PLAG1: variants seen among roughly 807,000 people sequenced by gnomAD.
PLAG1 encodes zinc finger protein PLAG1.
A neutral mutation model predicts 35.5 loss-of-function variants in PLAG1; 7 were observed. The ratio of observed to expected loss-of-function variants is 0.20; its 90% confidence interval spans 0.11 to 0.37. PLAG1 has a LOEUF of 0.37. Ranked by LOEUF, PLAG1 falls within the 10% of genes least tolerant of loss-of-function variation. The pLI, the probability that PLAG1 is intolerant of heterozygous loss-of-function variation, is 1.00. For synonymous variants in PLAG1, 229 were observed against 225.4 expected, an observed-to-expected ratio of 1.02 and a Z score of -0.14; for missense variants, 454 against 602.8, an observed-to-expected ratio of 0.75 and a Z score of 2.58.
In PLAG1 at chr8:56,203,832, T is replaced by C. The variant is rs1239799425; in HGVS notation, c.-322+7289A>G. 2.6e-5 allele frequency among the ~76,000 whole-genome samples: 4 copies of C among 152,028 alleles called. No individual in the cohort carries two copies. The South Asian group carries it at 6.2e-4, about 24-fold the overall frequency. ...CTACCAACATTAGAAGAGAAAAATC[T>C]AGATTGAAATTTATACAATTAAATT... On this transcript the variant is annotated intron_variant, in intron 1 of 4. Coordinates refer to ENST00000316981, the MANE Select transcript of PLAG1 (RefSeq NM_002655.3).
intron 1 of PLAG1, among the ~76,000 whole-genome samples, chr8:56,183,670 C>A (rs1293326252): frequency 6.6e-6 from 1 of 152,088 alleles, no homozygotes; most frequent in African/African-American, 2.4e-5. Context: ...TCTTTATAAT[C>A]TTTACAATGT....
chr8:56,173,205 T>C (rs973769589), intron 2 of PLAG1, among the ~76,000 whole-genome samples: 11 of 152,148 alleles, frequency 7.2e-5, no homozygotes, highest in Admixed American at 5.2e-4. Context: ...CATATTCCAA[T>C]AGTCTAGAAA....
chr8:56,193,232 G>A (rs1484704325), intron 1 of PLAG1, among the ~76,000 whole-genome samples: 1 of 152,160 alleles, frequency 6.6e-6, no homozygotes, highest in Non-Finnish European at 1.5e-5. Flanking sequence ...AGAGGCAATG[G>A]GTATGGGTAG....
At chr8:56,203,951 T>G (rs1286991152) in intron 1 of PLAG1, among the ~76,000 whole-genome samples, 1 of 152,010 alleles carries the variant, frequency 6.6e-6, no homozygotes, top group East Asian at 1.9e-4. Context: ...AACAAATTCA[T>G]GTTTGAGGTG....
At chr8:56,197,267 C>T (rs1416515785) in intron 1 of PLAG1, among the ~76,000 whole-genome samples, 4 of 152,138 alleles carry the variant, frequency 2.6e-5, no homozygotes, top group East Asian at 1.9e-4. Context: ...CTCCCTCTGC[C>T]GTGGGAGTGA....
At chr8:56,180,226 T>C (rs1276783551) in intron 1 of PLAG1, among the ~76,000 whole-genome samples, 1 of 152,218 alleles carries the variant, frequency 6.6e-6, no homozygotes, top group African/African-American at 2.4e-5. Context: ...ACAAGTTCTA[T>C]GCAGAAAATC....
rs150428494 is a variant in PLAG1 at position 56,202,070 on chromosome 8, T to G, written c.-322+9051A>C. 5.1e-4 allele frequency among the ~76,000 whole-genome samples: 78 copies of G among 152,158 alleles called. No individual in the cohort carries two copies. In the East Asian group the frequency reaches 0.014, roughly 27 times the overall value. ...AAGGATCAGAACCTCTGCTTTCTTA[T>G]TTGATCAATTTCAAGCTAGATTTAA... On this transcript the variant is annotated intron_variant, in intron 1 of 4. Coordinates refer to ENST00000316981, the MANE Select transcript of PLAG1 (RefSeq NM_002655.3).
In PLAG1 at chr8:56,167,640, C is replaced by G; in HGVS notation, c.243-137G>C. 1 of 637,532 alleles carries G rather than the reference C, an allele frequency of 1.6e-6. No individual in the cohort carries two copies. Among genetic ancestry groups the G allele is most frequent in the Non-Finnish European group, 2.7e-6 (1 of 373,018 alleles). The allele number at this position is 637,532 out of a possible 1,614,324, so 39.5% of individuals were successfully genotyped here. On this transcript the variant is annotated intron_variant, in intron 4 of 4. Transcript: ENST00000316981. This position sits in a 1 kb window ranked among gnomAD's most constrained non-coding sequence, Gnocchi z 5.9. ...AAACTGTTTAACTTAATATATACCACGAGGATAGTTAATATACCTAATTAC... is the reference window on the plus strand; with the variant it reads ...AAACTGTTTAACTTAATATATACCAGGAGGATAGTTAATATACCTAATTAC...
rs146737481 is a variant in PLAG1 at position 56,182,396 on chromosome 8, T to C, written c.-321-2883A>G. On this transcript the variant is annotated intron_variant, in intron 1 of 4. Coordinates refer to ENST00000316981, the MANE Select transcript of PLAG1 (RefSeq NM_002655.3). ...AGCCAAGTTACTGGTTAATTGCTGA[T>C]AGAGCCTAAAGATCACCTCTATGAG... is the stretch of plus-strand genomic sequence containing the variant. Among the ~76,000 whole-genome samples the C allele has an allele frequency of 2.1e-3, 313 of 152,314 alleles. 1 individual carries two copies. The highest frequency in any genetic ancestry group is 7.2e-3 in the African/African-American group (300 of 41,554).
rs1206941335 is a variant in PLAG1 at position 56,168,134 on chromosome 8, C to T, written c.136G>A (p.Val46Ile). 3.1e-6 allele frequency: 5 copies of T among 1,612,894 alleles called. No homozygotes were observed. In the Admixed American group the frequency reaches 8.3e-5, roughly 27 times the overall value. Reference protein sequence around the residue: ...CQLCDKAFNSVEKLKVHSYSH... With the variant: ...CQLCDKAFNSIEKLKVHSYSH... ...TAGGAGTGAACCTTTAATTTCTCAA[C>T]ACTGTTAAAGGCCTTGTCACACAGT... The change falls in exon 4 of 5, where the codon GTT (valine) becomes ATT (isoleucine). Residue 46 changes from valine to isoleucine, a missense_variant. This residue lies in a region of PLAG1 where 170 missense variants were observed against 226.3 expected (regional missense o/e 0.75). Transcript: ENST00000316981.
intron 1 of PLAG1, among the ~76,000 whole-genome samples, chr8:56,204,318 G>GA (rs1488185706): frequency 6.6e-6 from 1 of 151,738 alleles, no homozygotes; most frequent in Non-Finnish European, 1.5e-5. Flanking sequence ...GACAATACAA[G>GA]AAAAAATCAA....
rs753064053 is a variant in PLAG1 at position 56,161,741 on chromosome 8, G to C, written c.*4502C>G. The C allele has an allele frequency of 4.4e-6, 1 of 228,778 alleles. No individual in the cohort carries two copies. The highest frequency in any genetic ancestry group is 8.7e-6 in the Non-Finnish European group (1 of 115,118). The allele number at this position is 228,778 out of a possible 1,614,324, so 14.2% of individuals were successfully genotyped here. A position where few individuals can be genotyped will look rare whatever the true frequency, so the allele number is the denominator to read the frequency against. Reference sequence around the variant, plus strand: ...CCTTTTTCTATGGATAAAAAAATACGACTGAATGAGACAGAGAAGTTTGTA... The same window carrying C: ...CCTTTTTCTATGGATAAAAAAATACCACTGAATGAGACAGAGAAGTTTGTA... On this transcript the variant is annotated 3_prime_UTR_variant, in exon 5 of 5. Transcript: ENST00000316981.
intron 3 of PLAG1, among the ~76,000 whole-genome samples, chr8:56,170,360 A>G (rs946350291): frequency 3.9e-5 from 6 of 152,160 alleles, no homozygotes; most frequent in African/African-American, 1.2e-4. Context: ...TTTCTGTTAT[A>G]TTCTCATTCA....
intron 1 of PLAG1, among the ~76,000 whole-genome samples, chr8:56,188,875 C>T (rs993113575): frequency 2.0e-5 from 3 of 152,104 alleles, no homozygotes; most frequent in Non-Finnish European, 2.9e-5. Context: ...TGAAATGAAA[C>T]GTGTGGGGAT....
chr8:56,163,680 T>C lies in PLAG1; in HGVS notation c.*2563A>G, dbSNP rs533408251. ...AAGTATGTGTGTGTGTGTGTATATA[T>C]ACACACACACACACACACATACACA... On this transcript the variant is annotated 3_prime_UTR_variant, in exon 5 of 5. Coordinates refer to ENST00000316981, the MANE Select transcript of PLAG1 (RefSeq NM_002655.3). 2.6e-4 allele frequency: 48 copies of C among 182,376 alleles called. No individual in the cohort carries two copies. The highest frequency in any genetic ancestry group is 3.5e-4 in the Non-Finnish European group (30 of 86,440). The allele number at this position is 182,376 out of a possible 1,614,324, so 11.3% of individuals were successfully genotyped here.
intron 1 of PLAG1, among the ~76,000 whole-genome samples, chr8:56,193,160 T>C (rs1360241408): frequency 6.6e-6 from 1 of 152,168 alleles, no homozygotes; most frequent in Non-Finnish European, 1.5e-5. Flanking sequence ...AGTCTGTACT[T>C]TTTGGAAACA....
rs1327300312 is a variant in PLAG1 at position 56,210,088 on chromosome 8, CG to C, written c.-322+1032del. On this transcript the variant is annotated intron_variant, in intron 1 of 4. Coordinates refer to ENST00000316981, the MANE Select transcript of PLAG1 (RefSeq NM_002655.3). ...CTCGCTCCCCCTGCTTCTCTTGCATCGGATTTTCACGTTTTCTCATTGTCGG... is the reference window on the plus strand; with the variant it reads ...CTCGCTCCCCCTGCTTCTCTTGCATCGATTTTCACGTTTTCTCATTGTCGG... 1.2e-4 allele frequency among the ~76,000 whole-genome samples: 18 copies of C among 152,190 alleles called. No homozygotes were observed. The South Asian group carries it at 3.7e-3, about 32-fold the overall frequency.
intron 1 of PLAG1, among the ~76,000 whole-genome samples, chr8:56,207,165 T>C (rs1812723678): frequency 6.6e-6 from 1 of 151,956 alleles, no homozygotes; most frequent in South Asian, 2.1e-4. Flanking sequence ...CATTCTTAGA[T>C]AAAATTATTT....
intron 3 of PLAG1, among the ~76,000 whole-genome samples, chr8:56,170,273 A>G (rs893579530): frequency 2.2e-4 from 34 of 152,290 alleles, no homozygotes; most frequent in African/African-American, 8.2e-4. Context: ...CATTAACACA[A>G]TGCAACTGAC....
Sources: allele counts gnomAD v4.1 joint callset (sites outside exome capture counted in the v4.1 genomes callset), GRCh38; gene constraint gnomAD v4.1.1; regional missense constraint gnomAD v4.1.1; non-coding constraint Gnocchi (gnomAD v3.1); transcripts MANE v1.5; gene names NCBI Gene and HGNC (gene_info 2026-07-23, HGNC 2026-07-21).